Variants in TIAM1 observed in about 807,000 individuals in gnomAD.
The protein encoded by TIAM1 is rho guanine nucleotide exchange factor TIAM1.
Under a neutral mutation model 163.5 loss-of-function variants are expected in TIAM1, and 65 were observed. The observed-to-expected ratio is 0.40, with a 90% CI of 0.33 to 0.49. The LOEUF is 0.49. Ranked by LOEUF, TIAM1 falls within the 20% of genes least tolerant of loss-of-function variation. The pLI is 0.77. For synonymous variants in TIAM1, 833 were observed against 810.1 expected, an observed-to-expected ratio of 1.03 and a Z score of -0.48; for missense variants, 1,789 against 2,044.7, an observed-to-expected ratio of 0.87 and a Z score of 2.41.
intron 4 of TIAM1, among the ~76,000 whole-genome samples, chr21:31,256,341 A>C (rs560092750): frequency 5.0e-4 from 76 of 152,290 alleles, no homozygotes; most frequent in African/African-American, 1.7e-3. Flanking sequence ...CTTGTAGTTA[A>C]GTTATAAGTC....
At chr21:31,254,870 G>A (rs1370128974) in intron 4 of TIAM1, among the ~76,000 whole-genome samples, 1 of 152,124 alleles carries the variant, frequency 6.6e-6, no homozygotes, top group Admixed American at 6.5e-5. Context: ...AGAGAATAAG[G>A]AAAAGCGAGG....
At chr21:31,446,786 G>A (rs1383765669) in intron 2 of TIAM1, among the ~76,000 whole-genome samples, 2 of 152,186 alleles carry the variant, frequency 1.3e-5, no homozygotes, top group Non-Finnish European at 2.9e-5. Flanking sequence ...TGTTATCGAT[G>A]TGCTGCACAT....
At chr21:31,210,342 G>T in intron 10 of TIAM1, 127 bp from the exon 11 acceptor site, 3 of 911,648 alleles carry the variant, frequency 3.3e-6, no homozygotes, top group East Asian at 2.5e-5. Flanking sequence ...AGGCAGTGGT[G>T]GGAGGCAGGG....
intron 2 of TIAM1, among the ~76,000 whole-genome samples, chr21:31,429,310 C>T (rs748221428): frequency 2.0e-4 from 31 of 152,134 alleles, no homozygotes; most frequent in Non-Finnish European, 4.1e-4. Context: ...CAGCACTGGC[C>T]AACCTACCTT....
At chr21:31,152,944 G>C (rs2083448568) in intron 18 of TIAM1, 122 bp downstream of exon 18, 1 of 1,285,146 alleles carries the variant, frequency 7.8e-7, no homozygotes, top group Non-Finnish European at 1.1e-6. Context: ...AATAATTTCA[G>C]CTAGTTACAA....
intron 2 of TIAM1, among the ~76,000 whole-genome samples, chr21:31,402,907 A>G (rs2077189697): frequency 6.6e-6 from 1 of 152,016 alleles, no homozygotes; most frequent in Non-Finnish European, 1.5e-5. Flanking sequence ...AGCCAAGATC[A>G]TGCCACTGCA....
At chr21:31,247,943 A>T (rs947422128) in intron 5 of TIAM1, among the ~76,000 whole-genome samples, 1 of 152,162 alleles carries the variant, frequency 6.6e-6, no homozygotes, top group African/African-American at 2.4e-5. Flanking sequence ...TCTAAGTCAG[A>T]GGTTCTTATG....
chr21:31,553,163 T>C lies in TIAM1; in HGVS notation c.-422+5764A>G, dbSNP rs184663864. 3.9e-5 allele frequency among the ~76,000 whole-genome samples: 6 copies of C among 152,258 alleles called. No individual in the cohort carries two copies. In the East Asian group the frequency reaches 1.2e-3, roughly 29 times the overall value. On this transcript the variant is annotated intron_variant, in intron 1 of 28. Coordinates refer to the TIAM1 transcript ENST00000286827. Reference sequence around the variant, plus strand: ...GACCAAAGTGGGTCATTTTTGAGCATGTCAGGTGGTAGAATTAATAATGAC... The same window carrying C: ...GACCAAAGTGGGTCATTTTTGAGCACGTCAGGTGGTAGAATTAATAATGAC...
At chr21:31,154,499 C>T in intron 16 of TIAM1, 73 bp from the exon 17 acceptor site, 1 of 1,471,910 alleles carries the variant, frequency 6.8e-7, no homozygotes. Context: ...CCTGGACCGC[C>T]TAGAGGTGTT....
At chr21:31,159,820 C>G (rs1287752630) in intron 16 of TIAM1, among the ~76,000 whole-genome samples, 2 of 152,174 alleles carry the variant, frequency 1.3e-5, no homozygotes, top group Non-Finnish European at 2.9e-5. Flanking sequence ...TTATTTCTTG[C>G]CATTACCCCA....
intron 15 of TIAM1, among the ~76,000 whole-genome samples, chr21:31,168,412 C>T (rs58736218): frequency 0.059 from 8,852 of 150,956 alleles, 908 homozygotes; most frequent in African/African-American, 0.2. Context: ...GATTCTTTTT[C>T]TTTTTTGAGA....
At chr21:31,468,085 TAAA>T (rs11443773) in intron 1 of TIAM1, among the ~76,000 whole-genome samples, 1 of 139,634 alleles carries the variant, frequency 7.2e-6, no homozygotes. Flanking sequence ...GCGAAACTCT[TAAA>T]AAAAAAAAAA....
At chr21:31,181,656 G>C (rs1022567897) in intron 15 of TIAM1, among the ~76,000 whole-genome samples, 1 of 151,126 alleles carries the variant, frequency 6.6e-6, no homozygotes, top group Non-Finnish European at 1.5e-5. Flanking sequence ...AAGCAGGGCT[G>C]AGTGGTGGTT....
At chr21:31,510,828 C>A (rs1473589257) in intron 1 of TIAM1, among the ~76,000 whole-genome samples, 218 of 144,850 alleles carry the variant, frequency 1.5e-3, no homozygotes, top group Admixed American at 2.3e-3. Context: ...AAAAAAAAAA[C>A]AAAAAAAACT....
intron 2 of TIAM1, among the ~76,000 whole-genome samples, chr21:31,413,716 C>A (rs978476677): frequency 6.6e-6 from 1 of 152,174 alleles, no homozygotes; most frequent in African/African-American, 2.4e-5. Context: ...ATTCGCCAGG[C>A]CCCTCATCAC....
chr21:31,263,087 C>G (rs1010266293), intron 4 of TIAM1, among the ~76,000 whole-genome samples: 1 of 152,064 alleles, frequency 6.6e-6, no homozygotes, highest in African/African-American at 2.4e-5. Context: ...GAAATGTGGG[C>G]GGGTGGATAG....
At chr21:31,213,817 C>T (rs1441543857) in intron 9 of TIAM1, among the ~76,000 whole-genome samples, 1 of 147,152 alleles carries the variant, frequency 6.8e-6, no homozygotes, top group East Asian at 1.9e-4. Context: ...ACTGCTTGAG[C>T]CTAGGAGTTT....
At chr21:31,343,329 G>C (rs1051108995) in intron 1 of TIAM1, among the ~76,000 whole-genome samples, 1 of 152,206 alleles carries the variant, frequency 6.6e-6, no homozygotes, top group East Asian at 1.9e-4. Flanking sequence ...TCCTGTCTGT[G>C]AGAAGCCTCA....
At chr21:31,497,649 A>G (rs976766321) in intron 1 of TIAM1, among the ~76,000 whole-genome samples, 11 of 152,250 alleles carry the variant, frequency 7.2e-5, no homozygotes, top group Non-Finnish European at 1.3e-4. Context: ...TATTCAAAAT[A>G]TAAATAAAGG....
Sources: allele counts gnomAD v4.1 joint callset (sites outside exome capture counted in the v4.1 genomes callset), GRCh38; gene constraint gnomAD v4.1.1; transcripts MANE v1.5; gene names NCBI Gene and HGNC (gene_info 2026-07-23, HGNC 2026-07-21).